Variants in PACRG observed in about 807,000 individuals in gnomAD.
PACRG encodes the protein parkin coregulated gene protein.
PACRG carries 29 observed loss-of-function variants against 29.7 expected under a neutral mutation model. The ratio of observed to expected loss-of-function variants is 0.98; its 90% CI spans 0.73 to 1.33. The LOEUF is 1.33. Ranked by LOEUF, PACRG falls within the 40% of genes most tolerant of loss-of-function variation. The pLI, the probability that PACRG is intolerant of heterozygous loss-of-function variation, is 0.00. For synonymous variants in PACRG, 116 were observed against 118.7 expected (o/e 0.98, Z 0.15); for missense variants, 279 against 316.2 (o/e 0.88, Z 0.89).
intron 2 of PACRG, among the ~76,000 whole-genome samples, chr6:162,980,917 GA>G (rs1215765242): frequency 3.3e-5 from 5 of 152,000 alleles, no homozygotes; most frequent in Non-Finnish European, 5.9e-5. Context: ...AATTTTTGGG[GA>G]ACAGGTGGTG....
At chr6:163,217,143 C>T (rs764999534) in intron 4 of PACRG, among the ~76,000 whole-genome samples, 15 of 152,198 alleles carry the variant, frequency 9.9e-5, no homozygotes, top group Non-Finnish European at 2.2e-4. Flanking sequence ...CCAGGCTTGG[C>T]GATAGAGGCT....
At position 163,130,932 on chromosome 6, in the gene PACRG, G is replaced by T. The variant is rs1007877195; in HGVS notation, c.613+41524G>T. ...AGAGTGTGACCTTCTTTGGAAATAG[G>T]ATTGTGTAATTAGTTAAGATAAGGT... On this transcript the variant is annotated intron_variant, in intron 4 of 4. Transcript: ENST00000366888. Among the ~76,000 whole-genome samples, 9 of 152,304 alleles carry T rather than the reference G, an allele frequency of 5.9e-5. No homozygotes were observed. The East Asian group carries it at 9.7e-4, about 16-fold the overall frequency.
intron 2 of PACRG, among the ~76,000 whole-genome samples, chr6:163,037,193 C>A (rs757140400): frequency 2.6e-5 from 4 of 152,226 alleles, no homozygotes; most frequent in Admixed American, 2.6e-4. Flanking sequence ...AAGGAGGCAT[C>A]TGAAGCCCGT....
At chr6:163,113,896 T>A (rs1349095414) in intron 4 of PACRG, among the ~76,000 whole-genome samples, 1 of 152,230 alleles carries the variant, frequency 6.6e-6, no homozygotes, top group Non-Finnish European at 1.5e-5. Context: ...CATTTTGTTT[T>A]CTACATTATT....
rs187256206 is a variant in PACRG at position 163,157,995 on chromosome 6, G to A, written c.613+68587G>A. Among the ~76,000 whole-genome samples the A allele has an allele frequency of 9.9e-5, 15 of 152,222 alleles. No homozygotes were observed. In the East Asian group the frequency reaches 2.3e-3, roughly 24 times the overall value. On this transcript the variant is annotated intron_variant, in intron 4 of 4. Transcript: ENST00000366888. ...TCCATAGAAATGATCTACGGTTCTT[G>A]GAAAGAAATGGAAAACAAAATATTT...
Position 163,300,553 on chromosome 6 carries a change from C to T in PACRG, c.614-14274C>T, listed in dbSNP as rs544465085. ...TGCCTCTTACTATCTCCTGCTTAAC[C>T]GGGCTGTCTCCTCGTGGCCAGCAAC... On this transcript the variant is annotated intron_variant, in intron 4 of 4. Coordinates refer to ENST00000366888, the MANE Select transcript of PACRG (RefSeq NM_001080379.2). Among the ~76,000 whole-genome samples the T allele has an allele frequency of 3.3e-5, 5 of 152,326 alleles. No homozygotes were observed. In the East Asian group the frequency reaches 7.7e-4, roughly 24 times the overall value.
chr6:163,283,094 CATG>C (rs1211635258), intron 4 of PACRG, among the ~76,000 whole-genome samples: 1 of 152,170 alleles, frequency 6.6e-6, no homozygotes. Flanking sequence ...TACTATATGA[CATG>C]ATAATTTTCA....
intron 2 of PACRG, among the ~76,000 whole-genome samples, chr6:162,980,805 C>G (rs1188000799): frequency 2.0e-5 from 3 of 152,120 alleles, no homozygotes; most frequent in Admixed American, 6.6e-5. Flanking sequence ...CTGTAATAAA[C>G]TATACTACAG....
intron 2 of PACRG, among the ~76,000 whole-genome samples, chr6:162,995,596 G>A (rs971433145): frequency 4.6e-5 from 7 of 152,204 alleles, no homozygotes; most frequent in African/African-American, 1.7e-4. Context: ...GCCCTGCTTC[G>A]GCTCGCGCCT....
intron 2 of PACRG, among the ~76,000 whole-genome samples, chr6:162,942,940 G>C (rs1352896555): frequency 6.6e-6 from 1 of 152,182 alleles, no homozygotes; most frequent in East Asian, 1.9e-4. Context: ...AAACACCTAA[G>C]GCAAAAAAGG....
At chr6:162,918,163 G>A (rs1796825129) in intron 2 of PACRG, among the ~76,000 whole-genome samples, 1 of 152,044 alleles carries the variant, frequency 6.6e-6, no homozygotes, top group Non-Finnish European at 1.5e-5. Flanking sequence ...ATTGTCAGAG[G>A]TAATATCTAT....
chr6:162,916,556 C>CA (rs1010279317), intron 2 of PACRG, among the ~76,000 whole-genome samples: 3 of 152,016 alleles, frequency 2.0e-5, no homozygotes. Context: ...GTTCTGTTTC[C>CA]TTTTTTTCCT....
intron 2 of PACRG, among the ~76,000 whole-genome samples, chr6:162,837,985 T>C (rs183332618): frequency 6.6e-6 from 1 of 152,256 alleles, no homozygotes; most frequent in Non-Finnish European, 1.5e-5. Flanking sequence ...TGATACATCA[T>C]ATTTATTTTA....
upstream of PACRG, chr6:162,727,935 C>A (rs949207875): frequency 1.5e-5 from 9 of 593,902 alleles, no homozygotes; most frequent in African/African-American, 9.4e-5. Context: ...TCTTACGTCA[C>A]CGGGGGGCGG....
intron 4 of PACRG, among the ~76,000 whole-genome samples, chr6:163,235,894 T>A (rs1470550621): frequency 2.6e-5 from 4 of 151,824 alleles, no homozygotes; most frequent in African/African-American, 7.3e-5. Flanking sequence ...AGGCTTTGGT[T>A]TGGTAACAAC....
chr6:163,269,894 C>CAG lies in PACRG; in HGVS notation c.614-44932_614-44931insGA, dbSNP rs1443677081. Among the ~76,000 whole-genome samples, 4 of 18,704 alleles carry CAG rather than the reference C, an allele frequency of 2.1e-4. 1 individual carries two copies. Among genetic ancestry groups the CAG allele is most frequent in the Non-Finnish European group, 4.1e-4 (4 of 9,660 alleles). 12.3% of individuals were successfully genotyped at this position (18,704 alleles called of 152,430 possible). On this transcript the variant is annotated intron_variant, in intron 4 of 4. Coordinates refer to ENST00000366888, the MANE Select transcript of PACRG (RefSeq NM_001080379.2). Reference sequence around the variant, plus strand: ...GAAAGAAAGAAAGAAAGAAAGAAAACAAAGAAAGAAAGAAAGAAAGAAAGA... The same window carrying CAG: ...GAAAGAAAGAAAGAAAGAAAGAAAACAGAAAGAAAGAAAGAAAGAAAGAAAGA...
rs1158916570 is a variant in PACRG, at chr6:163,269,862, A to G, written c.614-44965A>G. On this transcript the variant is annotated intron_variant, in intron 4 of 4. Coordinates refer to ENST00000366888, the MANE Select transcript of PACRG (RefSeq NM_001080379.2). ...AAAAGAAAGAAAGAAAGAAAGAGAA[A>G]GAAAGAGAAAGAAAGAAAGAAAGAA... Among the ~76,000 whole-genome samples, 235 of 68,092 alleles carry G rather than the reference A, an allele frequency of 3.5e-3. 16 individuals carry two copies. Among genetic ancestry groups the G allele is most frequent in the African/African-American group, 0.018 (223 of 12,268 alleles). The allele number at this position is 68,092 out of a possible 152,430, so 44.7% of individuals were successfully genotyped here.
intron 2 of PACRG, among the ~76,000 whole-genome samples, chr6:162,919,728 G>T (rs1452762589): frequency 6.6e-6 from 1 of 152,102 alleles, no homozygotes; most frequent in African/African-American, 2.4e-5. Context: ...TACTAAATTA[G>T]GTTTGTATAG....
chr6:163,117,430 GA>G (rs1816057536), intron 4 of PACRG, among the ~76,000 whole-genome samples: 1 of 152,200 alleles, frequency 6.6e-6, no homozygotes, highest in Non-Finnish European at 1.5e-5. Flanking sequence ...GAAAGGTCAT[GA>G]AAGGAGTGGA....
Sources: gnomAD v4.1 joint callset for allele counts (sites outside exome capture counted in the v4.1 genomes callset) on GRCh38, gnomAD v4.1.1 for gene constraint, MANE v1.5 for transcripts, NCBI Gene and HGNC (gene_info 2026-07-23, HGNC 2026-07-21) for gene names.